ASB11: variants seen among roughly 807,000 people sequenced by gnomAD.
ASB11 encodes the protein ankyrin repeat and SOCS box containing 11.
A neutral mutation model predicts 20.1 loss-of-function variants in ASB11; 17 were observed. The ratio of observed to expected loss-of-function variants is 0.85; its 90% confidence interval spans 0.58 to 1.27. ASB11 has a LOEUF of 1.27. ASB11 is among the 50% of genes most tolerant of loss of function. ASB11 has a pLI of 0.00. For synonymous variants in ASB11, 107 were observed against 105.6 expected (o/e 1.01, Z -0.08); for missense variants, 259 against 256.9 (o/e 1.01, Z -0.06).
chrX:15,283,199 G>A lies in ASB11; in HGVS notation c.*306C>T. On this transcript the variant is annotated 3_prime_UTR_variant, in exon 7 of 7. Coordinates refer to ENST00000480796, the MANE Select transcript of ASB11 (RefSeq NM_080873.3). ...CAATATTCAGAATGTTGACTTTTAG[G>A]TACAAGAAGATCCCGAATCATCAAA... 1 of 184,624 alleles carries A rather than the reference G, an allele frequency of 5.4e-6. No homozygotes were observed. Among genetic ancestry groups the A allele is most frequent in the East Asian group, 1.0e-4 (1 of 9,812 alleles). 15.2% of individuals were successfully genotyped at this position (184,624 alleles called of 1,213,427 possible).
chrX:15,311,293 C>T (rs1490072218), intron 1 of ASB11, among the ~76,000 whole-genome samples: 2 of 112,412 alleles, frequency 1.8e-5, no homozygotes, highest in African/African-American at 6.5e-5. Context: ...AAAGAAGGCT[C>T]CTTTGAACTC....
chrX:15,284,189 T>C (rs191798849), intron 6 of ASB11, among the ~76,000 whole-genome samples: 1 of 103,403 alleles, frequency 9.7e-6, no homozygotes, highest in Non-Finnish European at 2.0e-5. Flanking sequence ...GAGGCGGAGC[T>C]TGCAGTGAGC....
intron 3 of ASB11, among the ~76,000 whole-genome samples, chrX:15,294,247 G>A (rs1920951597): frequency 9.0e-6 from 1 of 111,371 alleles, no homozygotes; most frequent in African/African-American, 3.3e-5. Context: ...TGATGCCATT[G>A]AAATATAGGA....
chrX:15,281,711 G>GTTTT lies in ASB11; in HGVS notation c.*1790_*1793dup, dbSNP rs1927185386. On this transcript the variant is annotated 3_prime_UTR_variant, in exon 7 of 7. Coordinates refer to ENST00000480796, the MANE Select transcript of ASB11 (RefSeq NM_080873.3). ...TTCTTTCTTTCTTTTTTTTTTTTTT[G>GTTTT]TTTTGAGACGGAGTCTCGCTCTGTC... 2.3e-5 allele frequency: 1 copy of GTTTT among 43,030 alleles called. No homozygotes were observed. Among genetic ancestry groups the GTTTT allele is most frequent in the Non-Finnish European group, 4.5e-5 (1 of 22,176 alleles). 3.5% of individuals were successfully genotyped at this position (43,030 alleles called of 1,213,427 possible). A position where few individuals can be genotyped will look rare whatever the true frequency, so the allele number is the denominator to read the frequency against.
intron 1 of ASB11, among the ~76,000 whole-genome samples, chrX:15,309,271 GCCT>G (rs1921344530): frequency 9.2e-6 from 1 of 108,335 alleles, no homozygotes; most frequent in African/African-American, 3.4e-5. Flanking sequence ...CCTGAGCTCT[GCCT>G]CCTGTCAGAT....
In ASB11 at chrX:15,297,700, A is replaced by G. The variant is rs1232206766; in HGVS notation, c.262-19T>C. 2.5e-6 allele frequency: 3 copies of G among 1,190,987 alleles called. No homozygotes were observed. Among genetic ancestry groups the G allele is most frequent in the Admixed American group, 4.4e-5 (2 of 45,884 alleles). The stretch of plus-strand genomic sequence containing the variant: ...TGACACCCTATAATTTAGAAAGAAG[A>G]GAGTTTATTTATTTTTTACAGACTG... On this transcript the variant is annotated intron_variant, in intron 2 of 6. Transcript: ENST00000480796.
intron 1 of ASB11, among the ~76,000 whole-genome samples, chrX:15,312,574 T>C (rs1356604052): frequency 9.1e-6 from 1 of 110,266 alleles, no homozygotes; most frequent in Non-Finnish European, 1.9e-5. Context: ...GCTAGGTTTT[T>C]CCTGCCCTTC....
Position 15,282,170 on chromosome X carries a change from G to C in ASB11, c.*1335C>G, listed in dbSNP as rs1044371470. On this transcript the variant is annotated 3_prime_UTR_variant, in exon 7 of 7. Coordinates refer to ENST00000480796, the MANE Select transcript of ASB11 (RefSeq NM_080873.3). ...GTGGGGCAAAATTGTCTCCAGTTGA[G>C]AGCCAAAGGTCTAGAAAAATTGGGG... is the stretch of plus-strand genomic sequence containing the variant. 9.0e-6 allele frequency: 1 copy of C among 110,881 alleles called. No homozygotes were observed. The highest frequency in any genetic ancestry group is 1.9e-5 in the Non-Finnish European group (1 of 52,932). The allele number at this position is 110,881 out of a possible 1,213,427, so 9.1% of individuals were successfully genotyped here.
In ASB11 at chrX:15,306,173, T is replaced by C. The variant is rs745741334; in HGVS notation, c.182-3366A>G. Among the ~76,000 whole-genome samples the C allele has an allele frequency of 2.7e-5, 3 of 112,320 alleles. No homozygotes were observed. The South Asian group carries it at 1.1e-3, about 42-fold the overall frequency. Reference sequence around the variant, plus strand: ...ACATTTTCTTTACCCAGTCTGTCATTGATGGGCATTTGGGTTGAGTCCATG... The same window carrying C: ...ACATTTTCTTTACCCAGTCTGTCATCGATGGGCATTTGGGTTGAGTCCATG... On this transcript the variant is annotated intron_variant, in intron 1 of 6. Coordinates refer to ENST00000480796, the MANE Select transcript of ASB11 (RefSeq NM_080873.3).
intron 1 of ASB11, among the ~76,000 whole-genome samples, chrX:15,314,883 CTTTG>C (rs1440136718): frequency 1.8e-5 from 2 of 111,207 alleles, no homozygotes; most frequent in African/African-American, 3.3e-5. Context: ...TTAGAATAAA[CTTTG>C]TTTGGAGTGC....
At chrX:15,285,000 C>A (rs917968920) in intron 6 of ASB11, among the ~76,000 whole-genome samples, 2 of 111,565 alleles carry the variant, frequency 1.8e-5, no homozygotes, top group African/African-American at 6.5e-5. Context: ...TAGTTAAAAT[C>A]TTGGGAAGCA....
chrX:15,302,976 CTGAATGTT>C (rs1921122851), intron 1 of ASB11, among the ~76,000 whole-genome samples, 169 bp from the exon 2 acceptor site: 4 of 111,563 alleles, frequency 3.6e-5, no homozygotes, highest in Admixed American at 1.9e-4. Flanking sequence ...AGACAAGCTA[CTGAATGTT>C]AAAGTCCTTT....
chrX:15,289,525 C>T lies in ASB11; in HGVS notation c.634G>A (p.Val212Met), dbSNP rs1927476114. The T allele has an allele frequency of 8.3e-7, 1 of 1,198,472 alleles. No homozygotes were observed. The highest frequency in any genetic ancestry group is 1.8e-5 in the African/African-American group (1 of 56,804). Residue 212 changes from valine (V) to methionine (M), a missense_variant, in exon 5 of 7, where the codon GTG becomes ATG. Coordinates refer to ENST00000480796, the MANE Select transcript of ASB11 (RefSeq NM_080873.3). ...TTACCTAATTCTAGAAGTTTCTTCA[C>T]ACAGTCTACCCTCTGGTAGGTGCAG... ...VACTYQRVDC[V>M]KKLLELGASV... is the part of the protein sequence containing the mutation.
chrX:15,299,726 G>C (rs1921009755), intron 2 of ASB11, among the ~76,000 whole-genome samples: 1 of 111,080 alleles, frequency 9.0e-6, no homozygotes, highest in Non-Finnish European at 1.9e-5. Flanking sequence ...TGGTTGGAGA[G>C]GGGGTGCTTA....
chrX:15,306,703 A>AAACAACAACAACAAC (rs767262827), intron 1 of ASB11, among the ~76,000 whole-genome samples: 2 of 109,601 alleles, frequency 1.8e-5, no homozygotes, highest in Non-Finnish European at 3.8e-5. Flanking sequence ...ACTTTGTCTC[A>AAACAACAACAACAAC]AACAACAACA....
chrX:15,287,781 A>G, intron 6 of ASB11, 100 bp downstream of exon 6: 6 of 1,009,052 alleles, frequency 5.9e-6, no homozygotes, highest in Non-Finnish European at 6.6e-6. Context: ...GCCACCTTCA[A>G]TTAAAAAGAG....
intron 2 of ASB11, among the ~76,000 whole-genome samples, chrX:15,301,013 G>C (rs1488059687): frequency 9.0e-6 from 1 of 111,344 alleles, no homozygotes; most frequent in Non-Finnish European, 1.9e-5. Context: ...CCAGGCTGGA[G>C]TGAAGTGACG....
chrX:15,314,235 T>G (rs1240094059), intron 1 of ASB11: 5 of 915,297 alleles, frequency 5.5e-6, no homozygotes, highest in Admixed American at 3.9e-5. Context: ...AAACTATTAT[T>G]GAAAATTTTA....
At chrX:15,293,071 G>A (rs1280549105) in intron 4 of ASB11, 99 bp downstream of exon 4, 2 of 1,031,048 alleles carry the variant, frequency 1.9e-6, no homozygotes, top group Non-Finnish European at 2.6e-6. Flanking sequence ...TGGTGAGGAA[G>A]ATCAGGGTCA....
Sources: gnomAD v4.1 joint callset for allele counts (sites outside exome capture counted in the v4.1 genomes callset) on GRCh38, gnomAD v4.1.1 for gene constraint, MANE v1.5 for transcripts, NCBI Gene and HGNC (gene_info 2026-07-23, HGNC 2026-07-21) for gene names.